Variants in OR7D4 observed in about 807,000 individuals in gnomAD.
OR7D4 encodes olfactory receptor family 7 subfamily D member 4.
For missense variants in OR7D4, 319 were observed against 377.1 expected (o/e 0.85, Z 1.27); for synonymous variants, 154 against 158.4 (o/e 0.97, Z 0.21).
Position 9,218,330 on chromosome 19 carries a change from T to C in OR7D4, c.-14+870A>G, listed in dbSNP as rs950656440. Among the ~76,000 whole-genome samples, 13 of 152,274 alleles carry C rather than the reference T, an allele frequency of 8.5e-5. 1 individual carries two copies. The highest frequency in any genetic ancestry group is 2.0e-4 in the Admixed American group (3 of 15,300). ...GAAGTAGTAATACCAGCTCTAACAA[T>C]GGAAGCAGGTTTAATGTAAGAATGT... On this transcript the variant is annotated intron_variant, in intron 1 of 1. Transcript: ENST00000641669.
Position 9,214,296 on chromosome 19 carries a change from G to T in OR7D4, c.542C>A (p.Pro181Gln). Residue 181 changes from proline to glutamine, a missense_variant, in exon 2 of 2, where the codon CCG (proline) becomes CAG (glutamine). By Grantham distance (76) the Pro-to-Gln change is moderately conservative. Coordinates refer to ENST00000641669, the MANE Select transcript of OR7D4 (RefSeq NM_001005191.3). ...GTEIPHFFCE[P>Q]AQVLKVACSN... ...GCAGGCCACCTTGAGGACCTGAGCC[G>T]GTTCACAGAAGAAATGCGGAATCTC... is the stretch of plus-strand genomic sequence containing the variant. 4 of 1,614,084 alleles carry T rather than the reference G, an allele frequency of 2.5e-6. No homozygotes were observed. Among genetic ancestry groups the T allele is most frequent in the Non-Finnish European group, 2.5e-6 (3 of 1,179,990 alleles).
In OR7D4 at chr19:9,210,699, C is replaced by CACACACACACACACACACA. The variant is rs1340350271; in HGVS notation, c.*3199_*3200insTGTGTGTGTGTGTGTGTGT. The CACACACACACACACACACA allele has an allele frequency of 2.4e-3, 365 of 151,834 alleles. 2 individuals carry two copies. Among genetic ancestry groups the CACACACACACACACACACA allele is most frequent in the African/African-American group, 8.4e-3 (347 of 41,312 alleles). The allele number at this position is 151,834 out of a possible 1,614,324, so 9.4% of individuals were successfully genotyped here. A position where few individuals can be genotyped will look rare whatever the true frequency, so the allele number is the denominator to read the frequency against. On this transcript the variant is annotated 3_prime_UTR_variant, in exon 2 of 2. Coordinates refer to ENST00000641669, the MANE Select transcript of OR7D4 (RefSeq NM_001005191.3). ...TACTAGGTGATCTCACACACACACACACACACACAACACACACAACACAGA... is the reference window on the plus strand; with the variant it reads ...TACTAGGTGATCTCACACACACACACACACACACACACACACACAACACACACAACACACACAACACAGA...
chr19:9,214,781 A>T lies in OR7D4; in HGVS notation c.57T>A (p.Asp19Glu). 6.2e-7 allele frequency: 1 copy of T among 1,613,896 alleles called. No homozygotes were observed. The highest frequency in any genetic ancestry group is 8.5e-7 in the Non-Finnish European group (1 of 1,179,896). ...AGAGGACGGGCTGCAGTTCAGGATC[A>T]TCTGAGAGTCCCAGGAGGAGAAATT... ...LSKFLLLGLSDDPELQPVLFG... is the reference protein window; with the variant it reads ...LSKFLLLGLSEDPELQPVLFG... Residue 19 changes from aspartate to glutamate, a missense_variant, in exon 2 of 2, where the codon GAT (aspartate) becomes GAA (glutamate). Coordinates refer to ENST00000641669, the MANE Select transcript of OR7D4 (RefSeq NM_001005191.3).
At chr19:9,215,287 G>T (rs56139543) in intron 1 of OR7D4, among the ~76,000 whole-genome samples, 22,473 of 142,700 alleles carry the variant, frequency 0.16, 1,954 homozygotes, top group East Asian at 0.25. Context: ...AGGTTGCAGT[G>T]AGCCAAGATC....
intron 1 of OR7D4, among the ~76,000 whole-genome samples, chr19:9,217,792 G>T (rs1177394349): frequency 6.6e-6 from 1 of 152,104 alleles, no homozygotes; most frequent in Non-Finnish European, 1.5e-5. Context: ...GCCCACCTCG[G>T]CCTCCCAAAA....
chr19:9,214,449 A>T lies in OR7D4; in HGVS notation c.389T>A (p.Leu130Gln), dbSNP rs1394397274. The change falls in exon 2 of 2, where the codon CTG (leucine) becomes CAG (glutamine). Residue 130 changes from leucine to glutamine, a missense_variant. Coordinates refer to ENST00000641669, the MANE Select transcript of OR7D4 (RefSeq NM_001005191.3). ...GGGGTTCATGATGACCGTGTAGTGC[A>T]GTGGGTGGCAGATGGCCACAAACCG... Reference protein sequence around the residue: ...YDRFVAICHPLHYTVIMNPCL... With the variant: ...YDRFVAICHPQHYTVIMNPCL... 1 of 1,614,194 alleles carries T rather than the reference A, an allele frequency of 6.2e-7. No homozygotes were observed. Among genetic ancestry groups the T allele is most frequent in the Admixed American group, 1.7e-5 (1 of 60,024 alleles).
At position 9,211,591 on chromosome 19, in the gene OR7D4, T is replaced by C. The variant is rs1356406280; in HGVS notation, c.*2308A>G. On this transcript the variant is annotated 3_prime_UTR_variant, in exon 2 of 2. Coordinates refer to ENST00000641669, the MANE Select transcript of OR7D4 (RefSeq NM_001005191.3). The stretch of plus-strand genomic sequence containing the variant: ...TGGGTGTGGTGGGTCATGCCTGTAA[T>C]CCCAGCACTTTGGGAGGCCGAGGCG... The C allele has an allele frequency of 6.6e-6, 1 of 152,094 alleles. No homozygotes were observed. The highest frequency in any genetic ancestry group is 2.4e-5 in the African/African-American group (1 of 41,408). The allele number at this position is 152,094 out of a possible 1,614,324, so 9.4% of individuals were successfully genotyped here. A position where few individuals can be genotyped will look rare whatever the true frequency, so the allele number is the denominator to read the frequency against.
At chr19:9,215,385 C>T (rs1395957277) in intron 1 of OR7D4, among the ~76,000 whole-genome samples, 9 of 149,220 alleles carry the variant, frequency 6.0e-5, no homozygotes, top group African/African-American at 2.0e-4. Context: ...TTCATTTACT[C>T]ACCAGTTTTA....
rs914834136 is a variant in OR7D4, at chr19:9,212,086, G to A, written c.*1813C>T. 2 of 152,060 alleles carry A rather than the reference G, an allele frequency of 1.3e-5. No homozygotes were observed. The allele number at this position is 152,060 out of a possible 1,614,324, so 9.4% of individuals were successfully genotyped here. A position where few individuals can be genotyped will look rare whatever the true frequency, so the allele number is the denominator to read the frequency against. ...TAATTTTTGTGCGTAGATAGTAGCT[G>A]TATATATTTATGGGGTAGATGAAAC... On this transcript the variant is annotated 3_prime_UTR_variant, in exon 2 of 2. Coordinates refer to ENST00000641669, the MANE Select transcript of OR7D4 (RefSeq NM_001005191.3).
At position 9,213,880 on chromosome 19, in the gene OR7D4, G is replaced by T. The variant is rs2195952; in HGVS notation, c.*19C>A. 2 of 1,586,998 alleles carry T rather than the reference G, an allele frequency of 1.3e-6. No individual in the cohort carries two copies. Among genetic ancestry groups the T allele is most frequent in the South Asian group, 1.1e-5 (1 of 90,334 alleles). On this transcript the variant is annotated 3_prime_UTR_variant, in exon 2 of 2. Coordinates refer to ENST00000641669, the MANE Select transcript of OR7D4 (RefSeq NM_001005191.3). ...TAGGGGTACGCAGTGTGTCCTCTTA[G>T]TTCTGAGGCCCTGATTTGTCATGGA... is the stretch of plus-strand genomic sequence containing the variant.
rs1421963824 is a variant in OR7D4 at position 9,214,628 on chromosome 19, G to A, written c.210C>T (p.Asp70=). 1 of 1,614,160 alleles carries A rather than the reference G, an allele frequency of 6.2e-7. No homozygotes were observed. The highest frequency in any genetic ancestry group is 8.5e-7 in the Non-Finnish European group (1 of 1,179,992). ...GGACTGTGGTGGAGATGAAACAGAT[G>A]TCAACAAAGGACAGGTTGGAGAGGA... ...YFFLSNLSFV[D]ICFISTTVPK... is the part of the protein sequence containing the mutation. The change falls in exon 2 of 2, where the codon GAC becomes GAT. Residue 70 remains aspartate (D), a synonymous_variant. Transcript: ENST00000641669.
chr19:9,212,737 T>C lies in OR7D4; in HGVS notation c.*1162A>G. On this transcript the variant is annotated 3_prime_UTR_variant, in exon 2 of 2. Transcript: ENST00000641669. ...CATAATTTGAAGTTGAAAATCACAT[T>C]ATCATTCTTTGCTTTTGTGTTTGTT... 6.6e-6 allele frequency: 1 copy of C among 152,090 alleles called. No homozygotes were observed. Among genetic ancestry groups the C allele is most frequent in the Non-Finnish European group, 1.5e-5 (1 of 68,028 alleles). The allele number at this position is 152,090 out of a possible 1,614,324, so 9.4% of individuals were successfully genotyped here.
chr19:9,214,018 C>A lies in OR7D4; in HGVS notation c.820G>T (p.Ala274Ser), dbSNP rs373618218. 6 of 1,613,858 alleles carry A rather than the reference C, an allele frequency of 3.7e-6. No individual in the cohort carries two copies. The African/African-American group carries it at 8.0e-5, about 22-fold the overall frequency. The change falls in exon 2 of 2, where the codon GCC (alanine) becomes TCC (serine). Residue 274 changes from alanine to serine, a missense_variant. By Grantham distance (99) the Ala-to-Ser change is moderately conservative (BLOSUM62 1). Transcript: ENST00000641669. Reference sequence around the variant, plus strand: ...GTGACCATGGCGTACATCACTGAGGCGGTGGAGCTGCTCTGGGAAGAATGG... The same window carrying A: ...GTGACCATGGCGTACATCACTGAGGAGGTGGAGCTGCTCTGGGAAGAATGG... ...VTHSSQSSST[A>S]SVMYAMVTPM... is the part of the protein sequence containing the mutation.
chr19:9,217,775 G>A (rs752084438), intron 1 of OR7D4, among the ~76,000 whole-genome samples: 1 of 152,146 alleles, frequency 6.6e-6, no homozygotes, highest in Admixed American at 6.5e-5. Context: ...CTGACCTCAA[G>A]TGATCTGCCC....
chr19:9,211,700 C>G lies in OR7D4; in HGVS notation c.*2199G>C, dbSNP rs572736912. ...TCTACTAAAAATACAAAAGATTAGC[C>G]GGGCATGGTGGCGTGCGCCTGTAAT... On this transcript the variant is annotated 3_prime_UTR_variant, in exon 2 of 2. Coordinates refer to ENST00000641669, the MANE Select transcript of OR7D4 (RefSeq NM_001005191.3). The G allele has an allele frequency of 6.9e-6, 1 of 145,416 alleles. No homozygotes were observed. The highest frequency in any genetic ancestry group is 1.5e-5 in the Non-Finnish European group (1 of 67,378). The allele number at this position is 145,416 out of a possible 1,614,324, so 9.0% of individuals were successfully genotyped here. A position where few individuals can be genotyped will look rare whatever the true frequency, so the allele number is the denominator to read the frequency against.
intron 1 of OR7D4, among the ~76,000 whole-genome samples, chr19:9,215,114 G>A (rs1407630357): frequency 6.6e-6 from 1 of 152,090 alleles, no homozygotes; most frequent in East Asian, 1.9e-4. Context: ...GGAGGACAAG[G>A]TGGGCAGATC....
intron 1 of OR7D4, among the ~76,000 whole-genome samples, chr19:9,216,009 T>G (rs567473476): frequency 1.3e-5 from 2 of 152,106 alleles, no homozygotes; most frequent in African/African-American, 2.4e-5. Context: ...ACATCTTACA[T>G]GGATGGTGGC....
Position 9,210,791 on chromosome 19 carries a change from C to A in OR7D4, c.*3108G>T, listed in dbSNP as rs1408402779. 1 of 152,052 alleles carries A rather than the reference C, an allele frequency of 6.6e-6. No homozygotes were observed. The highest frequency in any genetic ancestry group is 1.9e-4 in the East Asian group (1 of 5,196). The allele number at this position is 152,052 out of a possible 1,614,324, so 9.4% of individuals were successfully genotyped here. A position where few individuals can be genotyped will look rare whatever the true frequency, so the allele number is the denominator to read the frequency against. ...TTTCTTGATGAGCAACAATCAGAAG[C>A]TGCTGGGAACACTTGCTGAATTTAG... On this transcript the variant is annotated 3_prime_UTR_variant, in exon 2 of 2. Transcript: ENST00000641669.
intron 1 of OR7D4, among the ~76,000 whole-genome samples, chr19:9,216,293 G>A (rs147680300): frequency 1.6e-4 from 25 of 152,220 alleles, no homozygotes; most frequent in Middle Eastern, 3.4e-3. Context: ...ATGTTCTTCT[G>A]ATGAAGAGGT....
Sources: allele counts gnomAD v4.1 joint callset (sites outside exome capture counted in the v4.1 genomes callset), GRCh38; gene constraint gnomAD v4.1.1; transcripts MANE v1.5; gene names NCBI Gene and HGNC (gene_info 2026-07-23, HGNC 2026-07-21).